The following TIMM10 variants were observed in gnomAD, a reference collection of about 807,000 sequenced individuals.
TIMM10 encodes mitochondrial import inner membrane translocase subunit Tim10.
A neutral mutation model predicts 9.1 loss-of-function variants in TIMM10; 13 were observed. That is an observed-to-expected ratio of 1.42 (90% CI 0.93 to 2.26). The LOEUF (loss-of-function observed/expected upper bound fraction) is 2.26. Ranked by LOEUF, TIMM10 falls within the 30% of genes most tolerant of loss-of-function variation. TIMM10 has a pLI of 0.00. For missense variants in TIMM10, 82 were observed against 113.6 expected, an observed-to-expected ratio of 0.72 and a Z score of 1.26; for synonymous variants, 40 against 42.1, an observed-to-expected ratio of 0.95 and a Z score of 0.20.
chr11:57,528,591 G>A lies in TIMM10; in HGVS notation c.*126C>T. On this transcript the variant is annotated 3_prime_UTR_variant, in exon 3 of 3. Coordinates refer to ENST00000257245, the MANE Select transcript of TIMM10 (RefSeq NM_012456.3). ...ACCAGGAGACAGCGCTACCACTCCG[G>A]GATCTTGAAGACTCTCTACAGAGAG... 1.2e-6 allele frequency: 1 copy of A among 851,932 alleles called. No homozygotes were observed. The highest frequency in any genetic ancestry group is 1.8e-6 in the Non-Finnish European group (1 of 541,012). 52.8% of individuals were successfully genotyped at this position (851,932 alleles called of 1,614,324 possible).
At chr11:57,529,110 G>A (rs1306916358) in intron 2 of TIMM10, among the ~76,000 whole-genome samples, 192 bp from the exon 3 acceptor site, 3 of 152,224 alleles carry the variant, frequency 2.0e-5, no homozygotes, top group Non-Finnish European at 2.9e-5. Flanking sequence ...GACTAACTAA[G>A]TAGAAACCAT....
At position 57,528,668 on chromosome 11, in the gene TIMM10, A is replaced by G; in HGVS notation, c.*49T>C. 4.4e-6 allele frequency: 7 copies of G among 1,592,830 alleles called. No individual in the cohort carries two copies. The highest frequency in any genetic ancestry group is 6.0e-6 in the Non-Finnish European group (7 of 1,162,886). Reference sequence around the variant, plus strand: ...ACACCCAACAGGGAGCACGTTTATTAAAGTGGGAAGGGGTGGGGTACACCC... The same window carrying G: ...ACACCCAACAGGGAGCACGTTTATTGAAGTGGGAAGGGGTGGGGTACACCC... On this transcript the variant is annotated 3_prime_UTR_variant, in exon 3 of 3. Transcript: ENST00000257245.
chr11:57,529,141 G>A (rs750626220), intron 2 of TIMM10, among the ~76,000 whole-genome samples: 2 of 152,210 alleles, frequency 1.3e-5, no homozygotes, highest in South Asian at 4.1e-4. Flanking sequence ...CTGGCTACAT[G>A]CCAGGCATCC....
intron 2 of TIMM10, among the ~76,000 whole-genome samples, chr11:57,529,336 A>G (rs142887707): frequency 2.6e-5 from 4 of 152,320 alleles, no homozygotes; most frequent in African/African-American, 9.6e-5. Flanking sequence ...AAATCCTTCT[A>G]ATTTATAGCC....
chr11:57,530,298 A>T, intron 1 of TIMM10, 64 bp from the exon 2 acceptor site: 1 of 1,106,990 alleles, frequency 9.0e-7, no homozygotes, highest in South Asian at 1.3e-5. Flanking sequence ...CTGGGGCTAG[A>T]GGATACAGAG....
intron 2 of TIMM10, 113 bp downstream of exon 2, chr11:57,530,006 A>G (rs1285941821): frequency 8.5e-7 from 1 of 1,173,736 alleles, no homozygotes; most frequent in Admixed American, 1.8e-5. Context: ...GAGGGTAAGC[A>G]TGGGCCTCAG....
chr11:57,530,000 G>A, intron 2 of TIMM10, 119 bp downstream of exon 2: 1 of 1,079,278 alleles, frequency 9.3e-7, no homozygotes, highest in South Asian at 1.4e-5. Flanking sequence ...TGTGGGGAGG[G>A]TAAGCATGGG....
intron 2 of TIMM10, among the ~76,000 whole-genome samples, chr11:57,529,661 G>A (rs879069225): frequency 6.6e-6 from 1 of 152,174 alleles, no homozygotes; most frequent in Non-Finnish European, 1.5e-5. Context: ...ACCAGCTGCC[G>A]ACCCTAAGGA....
At position 57,528,875 on chromosome 11, in the gene TIMM10, T is replaced by C; in HGVS notation, c.115A>G (p.Lys39Glu). 1.2e-6 allele frequency: 2 copies of C among 1,613,694 alleles called. No individual in the cohort carries two copies. The highest frequency in any genetic ancestry group is 1.3e-5 in the African/African-American group (1 of 75,012). Residue 39 changes from lysine (K) to glutamate (E), a missense_variant, in exon 3 of 3, where the codon AAG becomes GAG. Physicochemically the swap from Lys to Glu is moderately conservative, Grantham distance 56 (BLOSUM62 1). Coordinates refer to ENST00000257245, the MANE Select transcript of TIMM10 (RefSeq NM_012456.3). The part of the protein sequence containing the change: ...CHRKCVPPHY[K>E]EAELSKGESV... ...TCGCCCTTGGAGAGCTCTGCTTCCT[T>C]GTAGTGAGGAGGCACACACTTCCGG...
Position 57,528,534 on chromosome 11 carries a change from C to T in TIMM10, c.*183G>A. On this transcript the variant is annotated 3_prime_UTR_variant, in exon 3 of 3. Transcript: ENST00000257245. The stretch of plus-strand genomic sequence containing the variant: ...ATATATATACACATACATACACACA[C>T]AGTCACATTCCAGTGTGACAAATAC... 7.6e-6 allele frequency: 4 copies of T among 526,864 alleles called. No individual in the cohort carries two copies. The highest frequency in any genetic ancestry group is 2.1e-5 in the South Asian group (1 of 48,300). The allele number at this position is 526,864 out of a possible 1,614,324, so 32.6% of individuals were successfully genotyped here. A position where few individuals can be genotyped will look rare whatever the true frequency, so the allele number is the denominator to read the frequency against.
chr11:57,530,011 C>CCT (rs1944783149), intron 2 of TIMM10, 108 bp downstream of exon 2: 1 of 1,242,052 alleles, frequency 8.1e-7, no homozygotes. Context: ...TAAGCATGGG[C>CCT]CTCAGGCTCC....
At chr11:57,530,261 C>T (rs1204251355) in intron 1 of TIMM10, 27 bp from the exon 2 acceptor site, 1 of 1,514,922 alleles carries the variant, frequency 6.6e-7, no homozygotes, top group East Asian at 2.3e-5. Context: ...CCATCAGCAC[C>T]CACCGCCGCC....
At position 57,528,743 on chromosome 11, in the gene TIMM10, C is replaced by A. The variant is rs1364163576; in HGVS notation, c.247G>T (p.Val83Leu). Residue 83 changes from valine to leucine, a missense_variant, in exon 3 of 3, where the codon GTG (valine) becomes TTG (leucine). Transcript: ENST00000257245. ...CATGCAGGCCCAGAGCTCTGCTGCACCCTCTTCATCAGCTCTTCATCCTGC... is the reference window on the plus strand; with the variant it reads ...CATGCAGGCCCAGAGCTCTGCTGCAACCTCTTCATCAGCTCTTCATCCTGC... ...SMQDEELMKR[V>L]QQSSGPA The A allele has an allele frequency of 6.2e-7, 1 of 1,613,914 alleles. No individual in the cohort carries two copies. Among genetic ancestry groups the A allele is most frequent in the Admixed American group, 1.7e-5 (1 of 60,008 alleles).
At chr11:57,529,582 A>T (rs1348541344) in intron 2 of TIMM10, among the ~76,000 whole-genome samples, 1 of 152,168 alleles carries the variant, frequency 6.6e-6, no homozygotes, top group Non-Finnish European at 1.5e-5. Context: ...TTTGTTCCCA[A>T]ATTTGCCAAA....
rs1469648871 is a variant in TIMM10, at chr11:57,528,749, T to G, written c.241A>C (p.Lys81Gln). 1 of 1,613,836 alleles carries G rather than the reference T, an allele frequency of 6.2e-7. No individual in the cohort carries two copies. Among genetic ancestry groups the G allele is most frequent in the Non-Finnish European group, 8.5e-7 (1 of 1,180,000 alleles). ...ELSMQDEELM[K>Q]RVQQSSGPA ...GGCCCAGAGCTCTGCTGCACCCTCTTCATCAGCTCTTCATCCTGCATAGAC... is the reference window on the plus strand; with the variant it reads ...GGCCCAGAGCTCTGCTGCACCCTCTGCATCAGCTCTTCATCCTGCATAGAC... The change falls in exon 3 of 3, where the codon AAG (lysine) becomes CAG (glutamine). Residue 81 changes from lysine to glutamine, a missense_variant. By Grantham distance (53) the Lys-to-Gln change is moderately conservative. Coordinates refer to ENST00000257245, the MANE Select transcript of TIMM10 (RefSeq NM_012456.3).
chr11:57,528,721 GC>G lies in TIMM10; in HGVS notation c.268del (p.Ala90HisfsTer84). The G allele has an allele frequency of 6.2e-7, 1 of 1,613,630 alleles. No homozygotes were observed. The highest frequency in any genetic ancestry group is 8.5e-7 in the Non-Finnish European group (1 of 1,179,964). ...GGGTGTATACTGACAGGGACCTCAT[GC>G]AGGCCCAGAGCTCTGCTGCACCCTC... ...MKRVQQSSGPA is the reference protein window; with the variant it reads ...MKRVQQSSGPX On this transcript the variant is annotated frameshift_variant, in exon 3 of 3. Coordinates refer to ENST00000257245, the MANE Select transcript of TIMM10 (RefSeq NM_012456.3). LOFTEE classifies it high-confidence loss of function.
chr11:57,528,639 G>A lies in TIMM10; in HGVS notation c.*78C>T. The A allele has an allele frequency of 6.8e-7, 1 of 1,473,898 alleles. No individual in the cohort carries two copies. The highest frequency in any genetic ancestry group is 9.4e-7 in the Non-Finnish European group (1 of 1,063,824). The allele number at this position is 1,473,898 out of a possible 1,614,324, so 91.3% of individuals were successfully genotyped here. A position where few individuals can be genotyped will look rare whatever the true frequency, so the allele number is the denominator to read the frequency against. On this transcript the variant is annotated 3_prime_UTR_variant, in exon 3 of 3. Transcript: ENST00000257245. ...GAGCCTAGGCCTGGCAGTCTTCACA[G>A]ATGACACCCAACAGGGAGCACGTTT...
intron 1 of TIMM10, 184 bp from the exon 2 acceptor site, chr11:57,530,418 T>C (rs1006693458): frequency 5.8e-6 from 3 of 521,698 alleles, no homozygotes; most frequent in South Asian, 4.5e-5. Context: ...AGGACGTCTA[T>C]GGCGAGCCTG....
At chr11:57,530,412 C>A in intron 1 of TIMM10, 178 bp from the exon 2 acceptor site, 1 of 525,624 alleles carries the variant, frequency 1.9e-6, no homozygotes, top group Non-Finnish European at 3.5e-6. Flanking sequence ...TCGCACAGGA[C>A]GTCTATGGCG....
Sources: allele counts gnomAD v4.1 joint callset (sites outside exome capture counted in the v4.1 genomes callset), GRCh38; gene constraint gnomAD v4.1.1; transcripts MANE v1.5; gene names NCBI Gene and HGNC (gene_info 2026-07-23, HGNC 2026-07-21).